The following UBE2N variants were observed in gnomAD, a reference collection of about 807,000 sequenced individuals.
UBE2N encodes ubiquitin-conjugating enzyme E2 N.
For synonymous variants in UBE2N, 70 were observed against 69.2 expected (o/e 1.01, Z -0.06); for missense variants, 60 against 192.1 (o/e 0.31, Z 4.07).
chr12:93,422,675 T>C (rs1249959468), intron 1 of UBE2N, among the ~76,000 whole-genome samples: 1 of 152,174 alleles, frequency 6.6e-6, no homozygotes, highest in Admixed American at 6.5e-5. Context: ...GTGAACTTGG[T>C]TTTTTTCTTT....
rs1877985572 is a variant in UBE2N, at chr12:93,409,984, G to C, written c.*55C>G. ...TGTGTCCATTAAATGCAAACAAAGA[G>C]GAGGAAGTCTTGGCAGAACAGGAGA... On this transcript the variant is annotated 3_prime_UTR_variant, in exon 4 of 4. Coordinates refer to ENST00000318066, the MANE Select transcript of UBE2N (RefSeq NM_003348.4). 1 of 1,563,794 alleles carries C rather than the reference G, an allele frequency of 6.4e-7. No homozygotes were observed. Among genetic ancestry groups the C allele is most frequent in the Non-Finnish European group, 8.8e-7 (1 of 1,137,034 alleles).
At position 93,410,688 on chromosome 12, in the gene UBE2N, A is replaced by G. The variant is rs1878007777; in HGVS notation, c.418+46T>C. On this transcript the variant is annotated intron_variant, in intron 3 of 3. Coordinates refer to ENST00000318066, the MANE Select transcript of UBE2N (RefSeq NM_003348.4). ...TAGAAAAGTTTAAGTGGTAATACAA[A>G]TTTGTAAAAGTGGAAGTGGTGTGAA... 3 of 1,608,078 alleles carry G rather than the reference A, an allele frequency of 1.9e-6. No individual in the cohort carries two copies. In the Admixed American group the frequency reaches 5.1e-5, roughly 27 times the overall value.
chr12:93,406,708 ATAAG>A lies in UBE2N; in HGVS notation c.*3327_*3330del, dbSNP rs1350558010. 1 of 152,224 alleles carries A rather than the reference ATAAG, an allele frequency of 6.6e-6. No individual in the cohort carries two copies. Among genetic ancestry groups the A allele is most frequent in the Non-Finnish European group, 1.5e-5 (1 of 68,050 alleles). 9.4% of individuals were successfully genotyped at this position (152,224 alleles called of 1,614,324 possible). On this transcript the variant is annotated 3_prime_UTR_variant, in exon 4 of 4. Coordinates refer to ENST00000318066, the MANE Select transcript of UBE2N (RefSeq NM_003348.4). The stretch of plus-strand genomic sequence containing the variant: ...TAGCACTTACATTATAATAGGTATT[ATAAG>A]TAATCTAAATATTAACATAAGCGGG...
rs1339448519 is a variant in UBE2N at position 93,441,927 on chromosome 12, CCT to C, written c.-45_-44del. On this transcript the variant is annotated 5_prime_UTR_variant, in exon 1 of 4. Transcript: ENST00000318066. ...TCGGCCTCTGGTCTCGTCTCCGGCTCCTCTCGCCTCACGCACGAGTGGAAGTC... is the reference window on the plus strand; with the variant it reads ...TCGGCCTCTGGTCTCGTCTCCGGCTCCTCGCCTCACGCACGAGTGGAAGTC... The C allele has an allele frequency of 6.4e-7, 1 of 1,553,894 alleles. No homozygotes were observed. Among genetic ancestry groups the C allele is most frequent in the South Asian group, 1.2e-5 (1 of 84,538 alleles).
chr12:93,427,078 C>A (rs542339747), intron 1 of UBE2N, among the ~76,000 whole-genome samples: 1 of 152,282 alleles, frequency 6.6e-6, no homozygotes, highest in Middle Eastern at 3.4e-3. Context: ...TGCCACCACA[C>A]CCAGCTAATT....
rs565504803 is a variant in UBE2N at position 93,441,674 on chromosome 12, G to GTCTCCCCGGCGCCC, written c.30+167_30+180dup. Among the ~76,000 whole-genome samples, 495 of 152,008 alleles carry GTCTCCCCGGCGCCC rather than the reference G, an allele frequency of 3.3e-3. 5 individuals are homozygous for GTCTCCCCGGCGCCC. The highest frequency in any genetic ancestry group is 0.011 in the African/African-American group (443 of 41,502). On this transcript the variant is annotated intron_variant, in intron 1 of 3. Transcript: ENST00000318066. ...TCCGGCTGCCCCGCCGCGGCCGGAA[G>GTCTCCCCGGCGCCC]TCTCCCCGGCGCCCCCTCCTCAGCA...
At chr12:93,411,536 T>C (rs1565791494) in intron 1 of UBE2N, among the ~76,000 whole-genome samples, 1 of 152,238 alleles carries the variant, frequency 6.6e-6, no homozygotes, top group Non-Finnish European at 1.5e-5. Flanking sequence ...TACAAATGTC[T>C]ACAAATATGT....
rs541889672 is a variant in UBE2N at position 93,408,229 on chromosome 12, TATAA to T, written c.*1806_*1809del. Reference sequence around the variant, plus strand: ...ACCCTTTAAACAGCCCAAGAATTGTTATAAATGACAGCTGCTATCAGTTTTCAAA... The same window carrying T: ...ACCCTTTAAACAGCCCAAGAATTGTTATGACAGCTGCTATCAGTTTTCAAA... On this transcript the variant is annotated 3_prime_UTR_variant, in exon 4 of 4. Transcript: ENST00000318066. 31 of 152,358 alleles carry T rather than the reference TATAA, an allele frequency of 2.0e-4. No individual in the cohort carries two copies. Among genetic ancestry groups the T allele is most frequent in the Admixed American group, 1.8e-3 (27 of 15,300 alleles). 9.4% of individuals were successfully genotyped at this position (152,358 alleles called of 1,614,324 possible).
At chr12:93,417,022 T>C (rs1246818362) in intron 1 of UBE2N, among the ~76,000 whole-genome samples, 3 of 152,142 alleles carry the variant, frequency 2.0e-5, no homozygotes, top group African/African-American at 4.8e-5. Flanking sequence ...CCATGCATAA[T>C]AGAAAGCACT....
chr12:93,429,053 C>T (rs556680329), intron 1 of UBE2N, among the ~76,000 whole-genome samples: 143 of 152,092 alleles, frequency 9.4e-4, no homozygotes, highest in African/African-American at 3.2e-3. Context: ...GGGCGGATCA[C>T]GAGGTCAGGA....
chr12:93,417,314 T>A (rs145827625), intron 1 of UBE2N, among the ~76,000 whole-genome samples: 1 of 152,216 alleles, frequency 6.6e-6, no homozygotes, highest in Non-Finnish European at 1.5e-5. Flanking sequence ...ATACTGTAGT[T>A]AGTCAATTAT....
In UBE2N at chr12:93,409,333, A is replaced by G. The variant is rs953520363; in HGVS notation, c.*706T>C. 1 of 160,262 alleles carries G rather than the reference A, an allele frequency of 6.2e-6. No individual in the cohort carries two copies. Among genetic ancestry groups the G allele is most frequent in the Non-Finnish European group, 1.5e-5 (1 of 68,100 alleles). 9.9% of individuals were successfully genotyped at this position (160,262 alleles called of 1,614,324 possible). A position where few individuals can be genotyped will look rare whatever the true frequency, so the allele number is the denominator to read the frequency against. On this transcript the variant is annotated 3_prime_UTR_variant, in exon 4 of 4. Coordinates refer to ENST00000318066, the MANE Select transcript of UBE2N (RefSeq NM_003348.4). ...ATTGGGAAAATGAAATAAACACAGTAAAATAAACTGTACAAAGGCAAAGTA... is the reference window on the plus strand; with the variant it reads ...ATTGGGAAAATGAAATAAACACAGTGAAATAAACTGTACAAAGGCAAAGTA...
At chr12:93,431,272 A>G (rs1352772837) in intron 1 of UBE2N, among the ~76,000 whole-genome samples, 1 of 152,156 alleles carries the variant, frequency 6.6e-6, no homozygotes. Context: ...ACACAACCCA[A>G]AACAAGTAAG....
At chr12:93,415,875 T>G (rs1317410898) in intron 1 of UBE2N, among the ~76,000 whole-genome samples, 1 of 152,146 alleles carries the variant, frequency 6.6e-6, no homozygotes, top group East Asian at 1.9e-4. Context: ...CAAAATAGCT[T>G]CAAAATCACT....
intron 1 of UBE2N, among the ~76,000 whole-genome samples, chr12:93,429,807 A>G (rs1191345874): frequency 6.6e-6 from 1 of 152,182 alleles, no homozygotes; most frequent in African/African-American, 2.4e-5. Flanking sequence ...AAGAGAAAAA[A>G]GCTTATAGGA....
intron 1 of UBE2N, chr12:93,429,400 T>C: frequency 2.6e-6 from 1 of 382,596 alleles, no homozygotes; most frequent in Non-Finnish European, 5.0e-6. Context: ...GATTCAGTGG[T>C]ACTTTAAATA....
intron 1 of UBE2N, among the ~76,000 whole-genome samples, chr12:93,432,405 G>A (rs1291647833): frequency 1.3e-5 from 2 of 151,680 alleles, no homozygotes; most frequent in South Asian, 2.1e-4. Flanking sequence ...CCTTGGGATC[G>A]GCCTATGTTA....
At position 93,441,946 on chromosome 12, in the gene UBE2N, GT is replaced by G; in HGVS notation, c.-63del. 6.6e-7 allele frequency: 1 copy of G among 1,522,150 alleles called. No homozygotes were observed. Among genetic ancestry groups the G allele is most frequent in the Non-Finnish European group, 8.8e-7 (1 of 1,134,760 alleles). The allele number at this position is 1,522,150 out of a possible 1,614,324, so 94.3% of individuals were successfully genotyped here. On this transcript the variant is annotated 5_prime_UTR_variant, in exon 1 of 4. Transcript: ENST00000318066. ...CCGGCTCCTCTCGCCTCACGCACGA[GT>G]GGAAGTCCCGGGCTCCACTTCCGGG...
At chr12:93,412,851 A>G (rs953886928) in intron 1 of UBE2N, among the ~76,000 whole-genome samples, 1 of 152,262 alleles carries the variant, frequency 6.6e-6, no homozygotes, top group African/African-American at 2.4e-5. Flanking sequence ...TAAGCATGCC[A>G]GGGCAAATAT....
Sources: gnomAD v4.1 joint callset for allele counts (sites outside exome capture counted in the v4.1 genomes callset) on GRCh38, gnomAD v4.1.1 for gene constraint, MANE v1.5 for transcripts, NCBI Gene and HGNC (gene_info 2026-07-23, HGNC 2026-07-21) for gene names.